Variants in ATAD2 observed in about 807,000 individuals in gnomAD.
ATAD2 encodes the protein ATPase family AAA domain containing 2, also known as ATPase family AAA domain-containing protein 2.
Under a neutral mutation model 168.9 loss-of-function variants are expected in ATAD2, and 62 were observed. The ratio of observed to expected loss-of-function variants is 0.37; its 90% confidence interval spans 0.30 to 0.45. ATAD2 has a LOEUF of 0.45. Ranked by LOEUF, ATAD2 falls within the 20% of genes least tolerant of loss-of-function variation. The probability of loss-of-function intolerance (pLI) is 1.00; values close to 1 mark genes in which losing one functional copy is unlikely to be tolerated. For synonymous variants in ATAD2, 613 were observed against 571.6 expected (o/e 1.07, Z -1.03); for missense variants, 1,419 against 1,667.8 (o/e 0.85, Z 2.60).
chr8:123,401,369 C>T (rs148197436), upstream of ATAD2: 145 of 1,395,368 alleles, frequency 1.0e-4, no homozygotes, highest in African/African-American at 1.7e-3. Flanking sequence ...CTCACCCAGG[C>T]GGGTGTCGAC....
At chr8:123,370,471 G>A (rs543840451) in intron 6 of ATAD2, among the ~76,000 whole-genome samples, 44 of 152,078 alleles carry the variant, frequency 2.9e-4, no homozygotes, top group African/African-American at 9.6e-4. Flanking sequence ...GGAGTTACAC[G>A]CTGCATAACT....
chr8:123,343,048 G>T (rs564874891), intron 19 of ATAD2, among the ~76,000 whole-genome samples: 1 of 151,682 alleles, frequency 6.6e-6, no homozygotes, highest in East Asian at 1.9e-4. Context: ...GCAATGGTGG[G>T]ATCTTGGCTC....
At chr8:123,366,961 T>G (rs1828997508) in intron 8 of ATAD2, among the ~76,000 whole-genome samples, 1 of 151,232 alleles carries the variant, frequency 6.6e-6, no homozygotes, top group Non-Finnish European at 1.5e-5. Context: ...AGGAAAATGT[T>G]TCCTAAATTT....
rs780055695 is a variant in ATAD2, at chr8:123,328,399, T to A, written c.3659A>T (p.Glu1220Val). ...TTTTTCATTTTCTTCCACCGAAGAC[T>A]CTCCTGTGTTTCCGGTCTCATTATG... The part of the protein sequence containing the change: ...VDHNETGNTG[E>V]SSVEENEKQQ... The change falls in exon 25 of 28, where the codon GAG becomes GTG. Residue 1220 changes from glutamate to valine, a missense_variant. Around this residue, in one of 5 missense-constraint regions of ATAD2, gnomAD observed 303 missense variants for 304.3 expected, o/e 1.00. Coordinates refer to ENST00000287394, the MANE Select transcript of ATAD2 (RefSeq NM_014109.4). 1 of 1,604,642 alleles carries A rather than the reference T, an allele frequency of 6.2e-7. No individual in the cohort carries two copies. Among genetic ancestry groups the A allele is most frequent in the Non-Finnish European group, 8.5e-7 (1 of 1,176,856 alleles).
At chr8:123,329,490 C>T (rs1412457075) in intron 24 of ATAD2, among the ~76,000 whole-genome samples, 2 of 152,002 alleles carry the variant, frequency 1.3e-5, no homozygotes, top group African/African-American at 2.4e-5. Context: ...TGGCTGGGCG[C>T]GGTGGCTCAC....
At chr8:123,354,860 A>ATATATATATAT (rs946766483) in intron 13 of ATAD2, among the ~76,000 whole-genome samples, 1 of 111,052 alleles carries the variant, frequency 9.0e-6, no homozygotes, top group African/African-American at 4.6e-5. Context: ...AAAAAAAAAA[A>ATATATATATAT]AAAAATATAT....
chr8:123,354,654 A>G (rs1196643713), intron 13 of ATAD2, among the ~76,000 whole-genome samples: 1 of 151,508 alleles, frequency 6.6e-6, no homozygotes, highest in Non-Finnish European at 1.5e-5. Flanking sequence ...CCTGGCCAAC[A>G]TGGTGAAACC....
intron 9 of ATAD2, among the ~76,000 whole-genome samples, chr8:123,361,254 T>C (rs146340349): frequency 0.023 from 3,507 of 151,514 alleles, 143 homozygotes; most frequent in African/African-American, 0.081. Context: ...GAGGTGGTGG[T>C]TGCAGTGAGC....
At chr8:123,382,405 G>A (rs1208787274) in intron 1 of ATAD2, among the ~76,000 whole-genome samples, 2 of 152,090 alleles carry the variant, frequency 1.3e-5, no homozygotes, top group African/African-American at 4.8e-5. Flanking sequence ...ATTTGAGGAT[G>A]TTTGAAAAAA....
intron 25 of ATAD2, among the ~76,000 whole-genome samples, chr8:123,326,286 A>G (rs1027878369): frequency 6.6e-6 from 1 of 152,180 alleles, no homozygotes; most frequent in Non-Finnish European, 1.5e-5. Context: ...ACTTGAGCAC[A>G]AGACACACAG....
chr8:123,335,090 G>C (rs1325422404), intron 22 of ATAD2, among the ~76,000 whole-genome samples: 4 of 152,134 alleles, frequency 2.6e-5, no homozygotes, highest in Non-Finnish European at 5.9e-5. Context: ...CCTAGAGATG[G>C]GGTCCAGTGA....
intron 1 of ATAD2, among the ~76,000 whole-genome samples, chr8:123,389,506 G>A (rs1439505621): frequency 6.6e-6 from 1 of 151,498 alleles, no homozygotes; most frequent in Non-Finnish European, 1.5e-5. Context: ...CGGGCGTGGT[G>A]GCGGGCGCCT....
At chr8:123,404,980 G>A (rs1433249826) in intron 1 of ATAD2, among the ~76,000 whole-genome samples, 2 of 152,290 alleles carry the variant, frequency 1.3e-5, no homozygotes. Context: ...TAAGAGGGGG[G>A]TTGGGACTTG....
At chr8:123,396,471 G>A, upstream of ATAD2, 1 of 1,201,182 alleles carries the variant, frequency 8.3e-7, no homozygotes. Context: ...CCGCGCCAGC[G>A]GCCGCAGCGC....
chr8:123,355,983 T>A (rs1269820884), intron 13 of ATAD2: 1 of 152,806 alleles, frequency 6.5e-6, no homozygotes, highest in African/African-American at 2.4e-5. Context: ...AGTGGCATAA[T>A]CTCAGCTCAC....
chr8:123,411,695 T>G (rs1323323615), intron 1 of ATAD2, among the ~76,000 whole-genome samples: 1 of 152,164 alleles, frequency 6.6e-6, no homozygotes, highest in Non-Finnish European at 1.5e-5. Context: ...GGCAACCCCC[T>G]TTGGGTCCCC....
At chr8:123,351,655 G>A (rs1463347314) in intron 13 of ATAD2, among the ~76,000 whole-genome samples, 1 of 151,974 alleles carries the variant, frequency 6.6e-6, no homozygotes, top group East Asian at 1.9e-4. Context: ...AGAAATGTTT[G>A]ATTCTTTCCC....
rs771461342 is a variant in ATAD2, at chr8:123,328,575, C to A, written c.3483G>T (p.Gln1161His). ...STPVACSTPA[Q>H]LKRKIRKKSN... Reference sequence around the variant, plus strand: ...ACTTTTTGCGAATTTTCCTCTTCAACTGAGCTTCAAGAAATTTAAAGAAAA... The same window carrying A: ...ACTTTTTGCGAATTTTCCTCTTCAAATGAGCTTCAAGAAATTTAAAGAAAA... The change falls in exon 25 of 28, where the codon CAG becomes CAT. Residue 1161 changes from glutamine (Q) to histidine (H), a missense_variant. Transcript: ENST00000287394. 6.6e-7 allele frequency: 1 copy of A among 1,518,112 alleles called. No individual in the cohort carries two copies. Among genetic ancestry groups the A allele is most frequent in the Admixed American group, 2.3e-5 (1 of 42,894 alleles). 94.0% of individuals were successfully genotyped at this position (1,518,112 alleles called of 1,614,324 possible).
At chr8:123,342,872 C>T (rs1828103145) in intron 19 of ATAD2, among the ~76,000 whole-genome samples, 1 of 152,170 alleles carries the variant, frequency 6.6e-6, no homozygotes, top group Non-Finnish European at 1.5e-5. Context: ...CACAGATCTG[C>T]CTCAGAGCCT....
Sources: gnomAD v4.1 joint callset for allele counts (sites outside exome capture counted in the v4.1 genomes callset) on GRCh38, gnomAD v4.1.1 for gene constraint, gnomAD v4.1.1 regional missense constraint, MANE v1.5 for transcripts, NCBI Gene and HGNC (gene_info 2026-07-23, HGNC 2026-07-21) for gene names.